The following SUPT3H variants were observed in gnomAD, a reference collection of about 807,000 sequenced individuals.
SUPT3H encodes the protein SPT3 homolog, SAGA and STAGA complex component, also known as transcription initiation protein SPT3 homolog.
SUPT3H carries 44 observed loss-of-function variants against 44.3 expected under a neutral mutation model. The observed-to-expected ratio is 0.99, with a 90% confidence interval of 0.78 to 1.28. The LOEUF (loss-of-function observed/expected upper bound fraction) is 1.28, where lower values mean the gene tolerates loss of function less well. SUPT3H is among the 50% of genes most tolerant of loss of function. The probability of loss-of-function intolerance (pLI) is 0.00; values close to 1 mark genes in which losing one functional copy is unlikely to be tolerated. For synonymous variants in SUPT3H, 124 were observed against 125.6 expected (o/e 0.99, Z 0.09); for missense variants, 380 against 387.1 (o/e 0.98, Z 0.15).
chr6:44,986,187 A>G (rs762558183), intron 6 of SUPT3H, among the ~76,000 whole-genome samples: 48 of 152,186 alleles, frequency 3.2e-4, no homozygotes, highest in Non-Finnish European at 4.4e-5. Context: ...TGGAAGAAAT[A>G]TAAAACTTTC....
At chr6:45,053,310 G>A (rs981921099) in intron 3 of SUPT3H, among the ~76,000 whole-genome samples, 1 of 151,664 alleles carries the variant, frequency 6.6e-6, no homozygotes, top group Non-Finnish European at 1.5e-5. Context: ...CTGTTCTCAA[G>A]GGCATTGTCG....
chr6:45,111,539 C>CCCA (rs1800066126), intron 2 of SUPT3H, among the ~76,000 whole-genome samples: 28 of 142,420 alleles, frequency 2.0e-4, no homozygotes, highest in Non-Finnish European at 2.7e-4. Flanking sequence ...CTCCCCCCCG[C>CCCA]AAAAAAAACA....
intron 2 of SUPT3H, among the ~76,000 whole-genome samples, chr6:45,285,872 G>A (rs954300034): frequency 1.3e-5 from 2 of 152,084 alleles, no homozygotes; most frequent in African/African-American, 4.8e-5. Flanking sequence ...AACCAAAACA[G>A]AATGGTACTG....
intron 9 of SUPT3H, 95 bp downstream of exon 9, chr6:44,953,215 C>G (rs1259430236): frequency 3.2e-6 from 3 of 928,114 alleles, no homozygotes; most frequent in East Asian, 5.1e-5. Flanking sequence ...AGGTTATACA[C>G]TCCTGCATAA....
At chr6:45,308,741 C>CA (rs1311544897) in intron 2 of SUPT3H, among the ~76,000 whole-genome samples, 14 of 71,664 alleles carry the variant, frequency 2.0e-4, no homozygotes, top group African/African-American at 5.1e-4. Flanking sequence ...TAAAGTATAA[C>CA]AAAAAAAATA....
At chr6:45,358,667 T>C (rs1387344607) in intron 2 of SUPT3H, among the ~76,000 whole-genome samples, 1 of 152,170 alleles carries the variant, frequency 6.6e-6, no homozygotes, top group Non-Finnish European at 1.5e-5. Context: ...CCCTGTGAGG[T>C]AGATACAGGT....
At chr6:45,197,044 A>G (rs1397858979) in intron 2 of SUPT3H, among the ~76,000 whole-genome samples, 1 of 151,766 alleles carries the variant, frequency 6.6e-6, no homozygotes, top group Non-Finnish European at 1.5e-5. Flanking sequence ...AAAAAATAGT[A>G]TGCTAAATTC....
intron 2 of SUPT3H, chr6:45,328,319 G>A (rs1381269166): frequency 7.3e-7 from 1 of 1,370,806 alleles, no homozygotes; most frequent in Non-Finnish European, 9.8e-7. Flanking sequence ...TTTGGATTGT[G>A]TGAATGCTTC....
intron 10 of SUPT3H, among the ~76,000 whole-genome samples, chr6:44,929,488 A>G (rs1770187505): frequency 6.6e-6 from 1 of 152,236 alleles, no homozygotes; most frequent in African/African-American, 2.4e-5. Flanking sequence ...TCTATGCTTC[A>G]TAAATATAAA....
intron 10 of SUPT3H, among the ~76,000 whole-genome samples, chr6:44,858,143 T>C (rs1320362797): frequency 1.3e-5 from 2 of 152,170 alleles, no homozygotes; most frequent in African/African-American, 4.8e-5. Flanking sequence ...ACTACATTAC[T>C]ACTACACTAC....
chr6:45,020,705 A>C (rs1308214034), intron 3 of SUPT3H, 73 bp from the exon 4 acceptor site: 3 of 1,061,090 alleles, frequency 2.8e-6, no homozygotes, highest in East Asian at 2.5e-5. Flanking sequence ...GATGTCTCTA[A>C]AGAGATAAAT....
chr6:45,029,746 C>T lies in SUPT3H; in HGVS notation c.187-9114G>A, dbSNP rs995843882. On this transcript the variant is annotated intron_variant, in intron 3 of 10. Coordinates refer to ENST00000371459, the MANE Select transcript of SUPT3H (RefSeq NM_003599.4). ...AACATAGTATTTTAGTATTAATTAA[C>T]TGTAATTGATAACTGTTTTAAAATT... is the stretch of plus-strand genomic sequence containing the variant. Among the ~76,000 whole-genome samples, 9 of 152,132 alleles carry T rather than the reference C, an allele frequency of 5.9e-5. No individual in the cohort carries two copies. In the Middle Eastern group the frequency reaches 0.017, roughly 287 times the overall value.
At chr6:44,923,835 AAAC>A (rs1489776986) in intron 10 of SUPT3H, among the ~76,000 whole-genome samples, 1 of 152,118 alleles carries the variant, frequency 6.6e-6, no homozygotes, top group African/African-American at 2.4e-5. Context: ...AAAAAACAAA[AAAC>A]AAAAAAACAA....
intron 3 of SUPT3H, among the ~76,000 whole-genome samples, chr6:45,092,168 C>G (rs1011714227): frequency 6.6e-6 from 1 of 151,868 alleles, no homozygotes; most frequent in Non-Finnish European, 1.5e-5. Flanking sequence ...TATTAATTGC[C>G]TTGGTCCTTT....
chr6:44,851,603 C>T (rs1159956339), intron 10 of SUPT3H, among the ~76,000 whole-genome samples: 4 of 152,152 alleles, frequency 2.6e-5, no homozygotes, highest in African/African-American at 9.7e-5. Context: ...TCAAAATGAT[C>T]CCCGGTTAGC....
At chr6:44,991,754 C>T (rs1005524024) in intron 6 of SUPT3H, among the ~76,000 whole-genome samples, 4 of 152,046 alleles carry the variant, frequency 2.6e-5, no homozygotes, top group Non-Finnish European at 5.9e-5. Flanking sequence ...AAAGGCAGCT[C>T]CTCAGCATGG....
intron 2 of SUPT3H, among the ~76,000 whole-genome samples, chr6:45,236,411 T>C (rs1769157598): frequency 1.3e-5 from 2 of 152,098 alleles, no homozygotes; most frequent in Admixed American, 1.3e-4. Context: ...CTCTGGTTAG[T>C]TCCATCTTGG....
intron 2 of SUPT3H, among the ~76,000 whole-genome samples, chr6:45,329,857 C>T (rs1448874681): frequency 6.6e-6 from 1 of 151,876 alleles, no homozygotes; most frequent in Non-Finnish European, 1.5e-5. Flanking sequence ...TGATCTCCAA[C>T]ATGTTCCAAC....
chr6:45,014,679 T>A, intron 5 of SUPT3H, 122 bp downstream of exon 5: 2 of 537,018 alleles, frequency 3.7e-6, no homozygotes, highest in Non-Finnish European at 6.2e-6. Context: ...GTATTCCACT[T>A]GATTTGTTGA....
Sources: gnomAD v4.1 joint callset for allele counts (sites outside exome capture counted in the v4.1 genomes callset) on GRCh38, gnomAD v4.1.1 for gene constraint, MANE v1.5 for transcripts, NCBI Gene and HGNC (gene_info 2026-07-23, HGNC 2026-07-21) for gene names.